SH3RF3: variants seen among roughly 807,000 people sequenced by gnomAD.
SH3RF3 encodes the protein E3 ubiquitin-protein ligase SH3RF3.
In SH3RF3, 29 loss-of-function variants were observed where a neutral mutation model predicts 66.3. The ratio of observed to expected loss-of-function variants is 0.44; its 90% CI spans 0.33 to 0.60. The LOEUF (loss-of-function observed/expected upper bound fraction) is 0.60, where lower values mean the gene tolerates loss of function less well. SH3RF3 is among the 20% of genes least tolerant of loss of function. The probability of loss-of-function intolerance (pLI) is 0.04; values close to 1 mark genes in which losing one functional copy is unlikely to be tolerated. For missense variants in SH3RF3, 1,194 were observed against 1,190.9 expected, an observed-to-expected ratio of 1.00 and a Z score of -0.04; for synonymous variants, 583 against 532.0, an observed-to-expected ratio of 1.10 and a Z score of -1.32.
At chr2:109,369,529 T>C (rs1683221087) in intron 2 of SH3RF3, among the ~76,000 whole-genome samples, 1 of 152,146 alleles carries the variant, frequency 6.6e-6, no homozygotes, top group South Asian at 2.1e-4. Flanking sequence ...AAAGTGGCAT[T>C]GTAAAGTCAT....
At chr2:109,365,793 G>A (rs1683142157) in intron 2 of SH3RF3, among the ~76,000 whole-genome samples, 2 of 152,136 alleles carry the variant, frequency 1.3e-5, no homozygotes, top group Non-Finnish European at 2.9e-5. Flanking sequence ...CCCGGCTGTC[G>A]ACTGTACTTG....
chr2:109,255,194 T>A (rs1165451073), intron 1 of SH3RF3, among the ~76,000 whole-genome samples: 1 of 152,164 alleles, frequency 6.6e-6, no homozygotes, highest in Non-Finnish European at 1.5e-5. Context: ...CATTTCACTT[T>A]CCTAATCAAT....
chr2:109,355,104 C>T (rs968803778), intron 2 of SH3RF3, among the ~76,000 whole-genome samples: 6 of 152,184 alleles, frequency 3.9e-5, no homozygotes, highest in East Asian at 1.9e-4. Flanking sequence ...CATATGGTAA[C>T]GGCATTTGGT....
rs144809486 is a variant in SH3RF3 at position 109,396,299 on chromosome 2, G to A, written c.946-2291G>A. The stretch of plus-strand genomic sequence containing the variant: ...AAAATAGAGCAAAACAGCTGAGCCT[G>A]GTTGGAGGAAACATTTCAAAGGAAA... On this transcript the variant is annotated intron_variant, in intron 3 of 9. Coordinates refer to ENST00000309415, the MANE Select transcript of SH3RF3 (RefSeq NM_001099289.3). Among the ~76,000 whole-genome samples, 102 of 152,344 alleles carry A rather than the reference G, an allele frequency of 6.7e-4. 1 individual carries two copies. The East Asian group carries it at 0.017, about 25-fold the overall frequency.
intron 1 of SH3RF3, among the ~76,000 whole-genome samples, chr2:109,209,585 T>C (rs1678920710): frequency 6.6e-6 from 1 of 152,130 alleles, no homozygotes; most frequent in Admixed American, 6.5e-5. Flanking sequence ...TTTCCTTCCT[T>C]TTGAGTTTCC....
At chr2:109,485,046 C>T (rs750699558) in intron 8 of SH3RF3, among the ~76,000 whole-genome samples, 4 of 152,230 alleles carry the variant, frequency 2.6e-5, no homozygotes, top group Non-Finnish European at 4.4e-5. Flanking sequence ...GCGTGTGCAG[C>T]GCAGCATGTG....
chr2:109,228,762 C>G (rs560750902), intron 1 of SH3RF3, among the ~76,000 whole-genome samples: 2 of 152,104 alleles, frequency 1.3e-5, no homozygotes, highest in Admixed American at 1.3e-4. Context: ...CAGGGGCTTC[C>G]GTCTCTGTGG....
chr2:109,218,086 T>C (rs1238270356), intron 1 of SH3RF3, among the ~76,000 whole-genome samples: 3 of 151,484 alleles, frequency 2.0e-5, no homozygotes, highest in South Asian at 2.1e-4. Flanking sequence ...GTGGTAAGAG[T>C]AGTCAATAGA....
intron 2 of SH3RF3, among the ~76,000 whole-genome samples, chr2:109,359,941 C>A (rs1390849566): frequency 6.6e-6 from 1 of 152,014 alleles, no homozygotes; most frequent in Non-Finnish European, 1.5e-5. Context: ...ATTTCTATGA[C>A]CATTGTTGAT....
chr2:109,496,181 G>A (rs1679255495), intron 9 of SH3RF3, among the ~76,000 whole-genome samples: 2 of 152,136 alleles, frequency 1.3e-5, no homozygotes. Context: ...CTGCTGATTG[G>A]TGCATTTTAC....
chr2:109,217,073 T>G (rs2105130947), intron 1 of SH3RF3, among the ~76,000 whole-genome samples: 1 of 152,344 alleles, frequency 6.6e-6, no homozygotes, highest in South Asian at 2.1e-4. Flanking sequence ...CACAGTGTCC[T>G]CTAGGCTCAT....
intron 2 of SH3RF3, among the ~76,000 whole-genome samples, chr2:109,351,565 C>A (rs1020269361): frequency 3.3e-5 from 5 of 152,244 alleles, no homozygotes; most frequent in African/African-American, 1.2e-4. Flanking sequence ...ATTGTGGTCG[C>A]CTTGCCAGGC....
chr2:109,400,607 G>A lies in SH3RF3; in HGVS notation c.1299+1664G>A, dbSNP rs992715700. 6.6e-5 allele frequency among the ~76,000 whole-genome samples: 10 copies of A among 151,228 alleles called. No individual in the cohort carries two copies. The East Asian group carries it at 1.4e-3, about 20-fold the overall frequency. On this transcript the variant is annotated intron_variant, in intron 4 of 9. Transcript: ENST00000309415. ...CACACACACTTGTGAACTTATATGC[G>A]TCCCTTCCACATACACACCCACACA...
In SH3RF3 at chr2:109,309,943, G is replaced by A. The variant is rs1332092735; in HGVS notation, c.574-37731G>A. Among the ~76,000 whole-genome samples, 3 of 123,926 alleles carry A rather than the reference G, an allele frequency of 2.4e-5. 1 individual carries two copies. The highest frequency in any genetic ancestry group is 7.9e-5 in the Admixed American group (1 of 12,586). 81.3% of individuals were successfully genotyped at this position (123,926 alleles called of 152,430 possible). On this transcript the variant is annotated intron_variant, in intron 1 of 9. Coordinates refer to ENST00000309415, the MANE Select transcript of SH3RF3 (RefSeq NM_001099289.3). ...ATTAGACAGATCAACGAGACAGAAAGTCAACAAGGATACCCAAGAATTGAA... is the reference window on the plus strand; with the variant it reads ...ATTAGACAGATCAACGAGACAGAAAATCAACAAGGATACCCAAGAATTGAA...
chr2:109,218,944 G>A (rs1477081799), intron 1 of SH3RF3, among the ~76,000 whole-genome samples: 1 of 152,216 alleles, frequency 6.6e-6, no homozygotes, highest in Non-Finnish European at 1.5e-5. Flanking sequence ...GACCAGGCTT[G>A]TAGAGGGGTG....
At chr2:109,275,682 G>A (rs1680739361) in intron 1 of SH3RF3, among the ~76,000 whole-genome samples, 1 of 152,162 alleles carries the variant, frequency 6.6e-6, no homozygotes, top group South Asian at 2.1e-4. Context: ...TGCTTGATTA[G>A]CGCGTCCTTT....
chr2:109,165,170 C>T (rs1677591305), intron 1 of SH3RF3, among the ~76,000 whole-genome samples: 1 of 148,416 alleles, frequency 6.7e-6, no homozygotes, highest in Admixed American at 6.8e-5. Flanking sequence ...GCTGCCTAAG[C>T]CACATTAAAT....
At chr2:109,307,718 C>G (rs1040087831) in intron 1 of SH3RF3, among the ~76,000 whole-genome samples, 1 of 148,974 alleles carries the variant, frequency 6.7e-6, no homozygotes, top group African/African-American at 2.5e-5. Context: ...ATGATGATTT[C>G]CAATTTCATC....
intron 8 of SH3RF3, among the ~76,000 whole-genome samples, chr2:109,450,627 CTA>C (rs1170508733): frequency 1.3e-5 from 2 of 152,152 alleles, no homozygotes; most frequent in Non-Finnish European, 2.9e-5. Context: ...AACATGTAAC[CTA>C]TGTTTTAAAA....
Sources: gnomAD v4.1 joint callset for allele counts (sites outside exome capture counted in the v4.1 genomes callset) on GRCh38, gnomAD v4.1.1 for gene constraint, MANE v1.5 for transcripts, NCBI Gene and HGNC (gene_info 2026-07-23, HGNC 2026-07-21) for gene names.